Variants in ZNF208 observed in about 807,000 individuals in gnomAD.
ZNF208 encodes zinc finger protein 208, also known as zinc finger protein 95.
A neutral mutation model predicts 12.1 loss-of-function variants in ZNF208; 10 were observed. That is an observed-to-expected ratio of 0.83 (90% CI 0.51 to 1.40). ZNF208 has a LOEUF of 1.40. ZNF208 is among the 40% of genes most tolerant of loss of function. The pLI, the probability that ZNF208 is intolerant of heterozygous loss-of-function variation, is 0.00. For synonymous variants in ZNF208, 497 were observed against 488.4 expected, an observed-to-expected ratio of 1.02 and a Z score of -0.23; for missense variants, 1,652 against 1,485.0, an observed-to-expected ratio of 1.11 and a Z score of -1.85.
chr19:21,964,890 A>G (rs1303328470), downstream of ZNF208, among the ~76,000 whole-genome samples: 2 of 151,966 alleles, frequency 1.3e-5, no homozygotes, highest in African/African-American at 4.8e-5. Flanking sequence ...ATGAAGATAT[A>G]TAAAGTTTCT....
At chr19:21,987,864 G>A (rs1344882996) in intron 2 of ZNF208, among the ~76,000 whole-genome samples, 1 of 151,978 alleles carries the variant, frequency 6.6e-6, no homozygotes, top group Non-Finnish European at 1.5e-5. Context: ...AATAAATACT[G>A]TGGAGACCAG....
At chr19:21,948,773 T>C (rs1169836985) in intron 4 of ZNF208, among the ~76,000 whole-genome samples, 1 of 138,028 alleles carries the variant, frequency 7.2e-6, no homozygotes, top group Non-Finnish European at 1.6e-5. Context: ...AAGAAACAAG[T>C]AGCCTTACAG....
intron 1 of ZNF208, among the ~76,000 whole-genome samples, chr19:22,003,649 G>C (rs371080128): frequency 1.3e-5 from 2 of 152,230 alleles, no homozygotes; most frequent in South Asian, 4.1e-4. Flanking sequence ...CAGTGAGAAT[G>C]GCCATTATTA....
chr19:21,954,409 G>C lies in ZNF208; in HGVS notation c.305+20320C>G, dbSNP rs561679203. ...ATCCTTGTTAACTTTCTGTCTCACT[G>C]ATCTGTCTAATGTTGAGACTGTGGT... On this transcript the variant is annotated intron_variant, in intron 4 of 4. Coordinates refer to the ZNF208 transcript ENST00000599916. 8.5e-5 allele frequency among the ~76,000 whole-genome samples: 13 copies of C among 152,310 alleles called. No individual in the cohort carries two copies. The East Asian group carries it at 2.5e-3, about 29-fold the overall frequency.
chr19:21,957,533 A>G (rs10424263), intron 4 of ZNF208, among the ~76,000 whole-genome samples: 4,790 of 152,238 alleles, frequency 0.031, 183 homozygotes, highest in African/African-American at 0.089. Context: ...GTTGTGAGTA[A>G]AAAAATGTCA....
At chr19:21,955,046 G>C (rs1475546777) in intron 4 of ZNF208, among the ~76,000 whole-genome samples, 2 of 152,166 alleles carry the variant, frequency 1.3e-5, no homozygotes, top group Admixed American at 1.3e-4. Flanking sequence ...AAATCTCTCA[G>C]CATTTGCTTA....
At chr19:21,947,872 T>C (rs1447690882) in intron 4 of ZNF208, among the ~76,000 whole-genome samples, 1 of 152,032 alleles carries the variant, frequency 6.6e-6, no homozygotes, top group Non-Finnish European at 1.5e-5. Context: ...GCCACTGGAG[T>C]ACCTTGAGAG....
In ZNF208 at chr19:21,968,825, T is replaced by C. The variant is rs1970220290; in HGVS notation, c.*2366A>G. Among the ~76,000 whole-genome samples the C allele has an allele frequency of 6.6e-6, 1 of 152,062 alleles. No homozygotes were observed. The highest frequency in any genetic ancestry group is 1.5e-5 in the Non-Finnish European group (1 of 68,024). ...TCATATGATCCAGGGCTTTTTATGG[T>C]TAGTAGGTTTATTATTACTTATACA... On this transcript the variant is annotated 3_prime_UTR_variant, in exon 4 of 4. Transcript: ENST00000397126.
In ZNF208 at chr19:21,967,278, C is replaced by T. The variant is rs1970189363; in HGVS notation, c.*3913G>A. ...TTCCACATATGACTAACCAGTTTTCCCAGTATTACTTACTAAATAGGGAGT... is the reference window on the plus strand; with the variant it reads ...TTCCACATATGACTAACCAGTTTTCTCAGTATTACTTACTAAATAGGGAGT... On this transcript the variant is annotated 3_prime_UTR_variant, in exon 4 of 4. Transcript: ENST00000397126. The T allele has an allele frequency of 2.6e-5, 4 of 151,872 alleles. No homozygotes were observed. The highest frequency in any genetic ancestry group is 2.0e-4 in the Admixed American group (3 of 15,228). The allele number at this position is 151,872 out of a possible 1,614,324, so 9.4% of individuals were successfully genotyped here. A position where few individuals can be genotyped will look rare whatever the true frequency, so the allele number is the denominator to read the frequency against.
chr19:21,974,543 T>A lies in ZNF208; in HGVS notation c.491A>T (p.Lys164Met). The A allele has an allele frequency of 6.2e-7, 1 of 1,613,704 alleles. No homozygotes were observed. Among genetic ancestry groups the A allele is most frequent in the Admixed American group, 1.7e-5 (1 of 59,982 alleles). Reference sequence around the variant, plus strand: ...ATGTTTCTTTCCAGTATGCCTTATCTTATGTCTGTTTGAATTTGAACATTT... The same window carrying A: ...ATGTTTCTTTCCAGTATGCCTTATCATATGTCTGTTTGAATTTGAACATTT... ...FHKCSNSNRH[K>M]IRHTGKKHLQ... The change falls in exon 4 of 4, where the codon AAG becomes ATG. Residue 164 changes from lysine (K) to methionine (M), a missense_variant. By Grantham distance (95) the Lys-to-Met change is moderately conservative (BLOSUM62 -1). Coordinates refer to ENST00000397126, the MANE Select transcript of ZNF208 (RefSeq NM_007153.3).
At chr19:21,976,396 C>T (rs1057204179) in intron 3 of ZNF208, among the ~76,000 whole-genome samples, 4 of 151,832 alleles carry the variant, frequency 2.6e-5, no homozygotes, top group Non-Finnish European at 5.9e-5. Flanking sequence ...GAAAGCATAT[C>T]CATACAAAAA....
At chr19:21,948,464 G>A (rs899637774) in intron 4 of ZNF208, among the ~76,000 whole-genome samples, 2 of 152,068 alleles carry the variant, frequency 1.3e-5, no homozygotes, top group Non-Finnish European at 2.9e-5. Context: ...CAACTTCCAG[G>A]TGCCTCACCA....
At chr19:21,962,565 A>G (rs1970091364), downstream of ZNF208, among the ~76,000 whole-genome samples, 1 of 152,040 alleles carries the variant, frequency 6.6e-6, no homozygotes, top group Admixed American at 6.6e-5. Context: ...TTCTATCTGC[A>G]TTCTCTTTCT....
intron 3 of ZNF208, among the ~76,000 whole-genome samples, chr19:21,984,382 G>A (rs1338684351): frequency 6.6e-6 from 1 of 152,026 alleles, no homozygotes; most frequent in Non-Finnish European, 1.5e-5. Context: ...GTGAAACCCT[G>A]TCTCTACTAA....
intron 4 of ZNF208, among the ~76,000 whole-genome samples, chr19:21,945,614 A>C (rs1186985316): frequency 6.6e-6 from 1 of 152,212 alleles, no homozygotes; most frequent in Non-Finnish European, 1.5e-5. Context: ...CTTTTTAAAA[A>C]AATTTGATGG....
In ZNF208 at chr19:21,973,860, T is replaced by G. The variant is rs1433404720; in HGVS notation, c.1174A>C (p.Thr392Pro). Residue 392 changes from threonine to proline, a missense_variant, in exon 4 of 4, where the codon ACT becomes CCT. Coordinates refer to ENST00000397126, the MANE Select transcript of ZNF208 (RefSeq NM_007153.3). ...TCACATTTGTAGGGTTTCTCTCCAG[T>G]ATGAATTTTCTTATGATAACTAAGG... Reference protein sequence around the residue: ...STLSYHKKIHTGEKPYKCEEC... With the variant: ...STLSYHKKIHPGEKPYKCEEC... 1.2e-6 allele frequency: 2 copies of G among 1,613,356 alleles called. No individual in the cohort carries two copies. The highest frequency in any genetic ancestry group is 1.7e-5 in the Admixed American group (1 of 59,934).
chr19:21,941,574 CT>C (rs200054294), intron 4 of ZNF208: 80,116 of 312,860 alleles, frequency 0.26, 2,698 homozygotes, highest in Middle Eastern at 0.32. Flanking sequence ...CATGCTTTAG[CT>C]TTTTTTTTTT....
In ZNF208 at chr19:21,971,912, G is replaced by T. The variant is rs1970295110; in HGVS notation, c.3122C>A (p.Pro1041His). 6.5e-7 allele frequency: 1 copy of T among 1,527,710 alleles called. No individual in the cohort carries two copies. Among genetic ancestry groups the T allele is most frequent in the Non-Finnish European group, 8.9e-7 (1 of 1,121,440 alleles). The allele number at this position is 1,527,710 out of a possible 1,614,324, so 94.6% of individuals were successfully genotyped here. Residue 1041 changes from proline to histidine, a missense_variant, in exon 4 of 4, where the codon CCC becomes CAC. Around this residue, in one of 3 missense-constraint regions of ZNF208, gnomAD observed 1,239 missense variants for 1,086.2 expected, o/e 1.14. Transcript: ENST00000397126. ...CEECDKAFSW[P>H]SSLTEHKATH... ...TGCCTTATGTTCAGTAAGGCTTGAG[G>T]GCCAGCTGAAGGCTTTGTCACATTC...
chr19:21,995,242 G>A (rs1389894707), intron 1 of ZNF208, among the ~76,000 whole-genome samples: 3 of 152,078 alleles, frequency 2.0e-5, no homozygotes, highest in Non-Finnish European at 4.4e-5. Flanking sequence ...ATGAGACATT[G>A]CACCCAGCCT....
Sources: allele counts gnomAD v4.1 joint callset (sites outside exome capture counted in the v4.1 genomes callset), GRCh38; gene constraint gnomAD v4.1.1; regional missense constraint gnomAD v4.1.1; transcripts MANE v1.5; gene names NCBI Gene and HGNC (gene_info 2026-07-23, HGNC 2026-07-21).